NLRP3: variants seen among roughly 807,000 people sequenced by gnomAD.
The protein encoded by NLRP3 is NACHT, LRR and PYD domains-containing protein 3.
NLRP3 carries 48 observed loss-of-function variants against 91.3 expected under a neutral mutation model. The observed-to-expected ratio is 0.53, with a 90% CI of 0.42 to 0.67. The LOEUF (loss-of-function observed/expected upper bound fraction) is 0.67. Among genes scored for constraint, NLRP3 ranks in the 30% least tolerant of loss-of-function variants. The probability of loss-of-function intolerance (pLI) is 0.00; values close to 1 mark genes in which losing one functional copy is unlikely to be tolerated. For missense variants in NLRP3, 982 were observed against 1,276.9 expected (o/e 0.77, Z 3.52); for synonymous variants, 561 against 507.9 (o/e 1.10, Z -1.41).
At chr1:247,440,054 C>G (rs1305862268) in intron 7 of NLRP3, among the ~76,000 whole-genome samples, 1 of 152,136 alleles carries the variant, frequency 6.6e-6, no homozygotes, top group Admixed American at 6.5e-5. Context: ...TTAGGCATAG[C>G]CTGTGTGTTA....
intron 7 of NLRP3, among the ~76,000 whole-genome samples, chr1:247,439,495 C>T (rs1664054198): frequency 6.6e-6 from 1 of 152,152 alleles, no homozygotes; most frequent in Non-Finnish European, 1.5e-5. Context: ...GGTGTCTTCC[C>T]TGTGTCTGTG....
At chr1:247,437,431 C>T (rs547468959) in intron 7 of NLRP3, among the ~76,000 whole-genome samples, 102 of 152,348 alleles carry the variant, frequency 6.7e-4, no homozygotes, top group African/African-American at 2.3e-3. Flanking sequence ...CCTTGGACCT[C>T]TCCCATCAGC....
At chr1:247,430,077 T>A (rs947199194) in intron 5 of NLRP3, among the ~76,000 whole-genome samples, 5 of 152,088 alleles carry the variant, frequency 3.3e-5, no homozygotes, top group Admixed American at 6.5e-5. Context: ...GGTTTCATCA[T>A]GTTGTCCAGG....
chr1:247,419,116 AG>A (rs1171738178), intron 2 of NLRP3, 39 bp downstream of exon 2: 1 of 1,561,516 alleles, frequency 6.4e-7, no homozygotes, highest in Non-Finnish European at 8.7e-7. Context: ...ATTGTGGCCA[AG>A]TGCACATAGT....
chr1:247,441,139 C>T (rs142687774), intron 7 of NLRP3, among the ~76,000 whole-genome samples: 3 of 66,334 alleles, frequency 4.5e-5, no homozygotes, highest in Admixed American at 4.2e-4. Flanking sequence ...CTCTTTCTTT[C>T]TTTCTTTCTC....
intron 7 of NLRP3, among the ~76,000 whole-genome samples, chr1:247,438,979 CA>C: frequency 6.6e-6 from 1 of 151,748 alleles, no homozygotes; most frequent in African/African-American, 2.4e-5. Context: ...TCCATCCATC[CA>C]TCCATCCATC....
rs779193213 is a variant in NLRP3 at position 247,424,607 on chromosome 1, T to A, written c.1158T>A (p.Asp386Glu). The change falls in exon 4 of 10, where the codon GAT (aspartate) becomes GAA (glutamate). Residue 386 changes from aspartate to glutamate, a missense_variant. Asp to Glu is a conservative substitution (Grantham distance 45). This residue lies in a region of NLRP3 where 548 missense variants were observed against 713.7 expected (regional missense o/e 0.77). Coordinates refer to ENST00000336119, the MANE Select transcript of NLRP3 (RefSeq NM_001243133.2). This position sits in a 1 kb window ranked among gnomAD's most constrained non-coding sequence, Gnocchi z 8.1. The stretch of plus-strand genomic sequence containing the variant: ...AGTACTTCTTCAAGTACTTCTCTGA[T>A]GAGGCCCAAGCCAGGGCAGCCTTCA... The part of the protein sequence containing the change: ...RKEYFFKYFS[D>E]EAQARAAFSL... 3.1e-6 allele frequency: 5 copies of A among 1,614,128 alleles called. No homozygotes were observed. The highest frequency in any genetic ancestry group is 1.3e-5 in the African/African-American group (1 of 74,946).
chr1:247,417,729 G>A (rs544274077), intron 1 of NLRP3, among the ~76,000 whole-genome samples: 2 of 152,102 alleles, frequency 1.3e-5, no homozygotes, highest in Non-Finnish European at 1.5e-5. Flanking sequence ...CAGGTGATCC[G>A]CCCACCTCGG....
At chr1:247,437,412 C>T (rs564501648) in intron 7 of NLRP3, among the ~76,000 whole-genome samples, 1 of 152,338 alleles carries the variant, frequency 6.6e-6, no homozygotes, top group East Asian at 1.9e-4. Context: ...TCACAAAGCT[C>T]TGATACTTCC....
At chr1:247,442,626 C>T (rs2103223972) in intron 7 of NLRP3, among the ~76,000 whole-genome samples, 1 of 152,274 alleles carries the variant, frequency 6.6e-6, no homozygotes, top group Admixed American at 6.5e-5. Context: ...GGTGGAAAGT[C>T]CAGGTCTGGA....
intron 1 of NLRP3, among the ~76,000 whole-genome samples, chr1:247,416,742 C>T (rs1267476888): frequency 4.0e-5 from 6 of 151,622 alleles, no homozygotes; most frequent in Admixed American, 3.3e-4. Flanking sequence ...CCTCAGGATG[C>T]ACAGGGCTGG....
intron 7 of NLRP3, 133 bp downstream of exon 7, chr1:247,436,273 C>T (rs1663785666): frequency 2.5e-6 from 2 of 790,918 alleles, no homozygotes; most frequent in Admixed American, 4.0e-5. Flanking sequence ...ATCAGAAATG[C>T]TTTGAAGGAC....
chr1:247,426,622 A>G (rs1268622395), intron 4 of NLRP3, among the ~76,000 whole-genome samples: 2 of 152,194 alleles, frequency 1.3e-5, no homozygotes, highest in Non-Finnish European at 2.9e-5. Context: ...TTGGCCATGA[A>G]GGACTGACTG....
At position 247,424,806 on chromosome 1, in the gene NLRP3, G is replaced by C; in HGVS notation, c.1357G>C (p.Gly453Arg). 1.9e-6 allele frequency: 3 copies of C among 1,609,214 alleles called. No homozygotes were observed. The highest frequency in any genetic ancestry group is 2.5e-6 in the Non-Finnish European group (3 of 1,179,998). Residue 453 changes from glycine to arginine, a missense_variant, in exon 4 of 10, where the codon GGA becomes CGA. By Grantham distance (125) the Gly-to-Arg change is moderately radical (BLOSUM62 -2). Transcript: ENST00000336119. This position sits in a 1 kb window ranked among gnomAD's most constrained non-coding sequence, Gnocchi z 8.1. ...CCTTTCCAGTTTGCTGCAGCCCCGGGGAGGGAGCCAGGAGCACGGCCTCTG... is the reference window on the plus strand; with the variant it reads ...CCTTTCCAGTTTGCTGCAGCCCCGGCGAGGGAGCCAGGAGCACGGCCTCTG... ...FFLSSLLQPR[G>R]GSQEHGLCAH...
chr1:247,436,076 G>C lies in NLRP3; in HGVS notation c.2599G>C (p.Asp867His). The part of the protein sequence containing the change: ...RLYVGENALG[D>H]SGVAILCEKA... ...CTATGTGGGGGAGAATGCCTTGGGA[G>C]ACTCAGGAGTCGCAATTTTATGTGA... The change falls in exon 7 of 10, where the codon GAC (aspartate) becomes CAC (histidine). Residue 867 changes from aspartate (D) to histidine (H), a missense_variant. This residue lies in a region of NLRP3 where 373 missense variants were observed against 431.5 expected (regional missense o/e 0.86). Coordinates refer to ENST00000336119, the MANE Select transcript of NLRP3 (RefSeq NM_001243133.2). 6.2e-7 allele frequency: 1 copy of C among 1,614,198 alleles called. No homozygotes were observed. Among genetic ancestry groups the C allele is most frequent in the Non-Finnish European group, 8.5e-7 (1 of 1,180,024 alleles).
chr1:247,429,813 G>A (rs2103133286), intron 5 of NLRP3, 58 bp downstream of exon 5: 2 of 1,543,614 alleles, frequency 1.3e-6, no homozygotes, highest in Non-Finnish European at 8.9e-7. Flanking sequence ...GAGAGAGAGA[G>A]AAACAGACTG....
rs143390227 is a variant in NLRP3 at position 247,431,103 on chromosome 1, G to A, written c.2321+1348G>A. On this transcript the variant is annotated intron_variant, in intron 5 of 9. Coordinates refer to ENST00000336119, the MANE Select transcript of NLRP3 (RefSeq NM_001243133.2). ...GGAGGCTGAGGCAGGAGAACTGTGT[G>A]TACCCGGGAGGCGGAGATGGCAGTG... Among the ~76,000 whole-genome samples, 615 of 152,198 alleles carry A rather than the reference G, an allele frequency of 4.0e-3. 3 individuals carry two copies. Among genetic ancestry groups the A allele is most frequent in the African/African-American group, 0.014 (590 of 41,536 alleles).
intron 5 of NLRP3, among the ~76,000 whole-genome samples, chr1:247,431,762 T>C (rs1207816535): frequency 6.6e-6 from 1 of 152,218 alleles, no homozygotes; most frequent in Non-Finnish European, 1.5e-5. Context: ...TGCTGTTCGG[T>C]GGCTTAAATG....
In NLRP3 at chr1:247,448,645, C is replaced by A. The variant is rs912912819; in HGVS notation, c.*141C>A. On this transcript the variant is annotated 3_prime_UTR_variant, in exon 10 of 10. Coordinates refer to ENST00000336119, the MANE Select transcript of NLRP3 (RefSeq NM_001243133.2). ...GTGGAGTGTCGGAGAAGAGAGCTTG[C>A]CGACGATGCCTTCCTGTGCAGAGCT... 9 of 704,048 alleles carry A rather than the reference C, an allele frequency of 1.3e-5. No homozygotes were observed. The Admixed American group carries it at 1.8e-4, about 14-fold the overall frequency. The allele number at this position is 704,048 out of a possible 1,614,324, so 43.6% of individuals were successfully genotyped here. A position where few individuals can be genotyped will look rare whatever the true frequency, so the allele number is the denominator to read the frequency against.
Sources: allele counts gnomAD v4.1 joint callset (sites outside exome capture counted in the v4.1 genomes callset), GRCh38; gene constraint gnomAD v4.1.1; regional missense constraint gnomAD v4.1.1; non-coding constraint Gnocchi (gnomAD v3.1); transcripts MANE v1.5; gene names NCBI Gene and HGNC (gene_info 2026-07-23, HGNC 2026-07-21).